The following DMRT1 variants were observed in gnomAD, a reference collection of about 807,000 sequenced individuals.
DMRT1 encodes the protein doublesex- and mab-3-related transcription factor 1.
A neutral mutation model predicts 32.3 loss-of-function variants in DMRT1; 7 were observed. That is an observed-to-expected ratio of 0.22 (90% confidence interval 0.12 to 0.41). DMRT1 has a LOEUF of 0.41. Ranked by LOEUF, DMRT1 falls within the 10% of genes least tolerant of loss-of-function variation. The pLI is 1.00. For missense variants in DMRT1, 625 were observed against 500.5 expected (o/e 1.25, Z -2.37); for synonymous variants, 278 against 206.1 (o/e 1.35, Z -2.99).
At chr9:896,303 T>TTTTTTTTTTTTC (rs1817360222) in intron 3 of DMRT1, among the ~76,000 whole-genome samples, 1 of 147,400 alleles carries the variant, frequency 6.8e-6, no homozygotes, top group Admixed American at 6.8e-5. Context: ...TTTTTTTTTT[T>TTTTTTTTTTTTC]CCTGAGACAG....
At chr9:902,199 C>CAT (rs1817612738) in intron 3 of DMRT1, among the ~76,000 whole-genome samples, 1 of 151,410 alleles carries the variant, frequency 6.6e-6, no homozygotes, top group African/African-American at 2.4e-5. Context: ...CGTGAGCCAC[C>CAT]GCGCCAGCCA....
intron 4 of DMRT1, among the ~76,000 whole-genome samples, chr9:936,365 G>T (rs1483154467): frequency 2.0e-5 from 3 of 152,096 alleles, no homozygotes; most frequent in African/African-American, 7.2e-5. Flanking sequence ...CTAGATGAAA[G>T]AACTATCTCC....
intron 4 of DMRT1, among the ~76,000 whole-genome samples, chr9:945,995 C>G (rs1465540484): frequency 6.6e-6 from 1 of 152,084 alleles, no homozygotes; most frequent in East Asian, 1.9e-4. Flanking sequence ...AATGCTTGGT[C>G]TTAGAGATCT....
At chr9:961,686 C>T (rs1159961217) in intron 4 of DMRT1, among the ~76,000 whole-genome samples, 1 of 152,124 alleles carries the variant, frequency 6.6e-6, no homozygotes, top group African/African-American at 2.4e-5. Context: ...AACATGTATT[C>T]CTGGTTCTCT....
intron 3 of DMRT1, among the ~76,000 whole-genome samples, chr9:895,633 T>C (rs766697412): frequency 6.6e-6 from 1 of 152,176 alleles, no homozygotes; most frequent in Non-Finnish European, 1.5e-5. Flanking sequence ...ACAATTAAGC[T>C]AATTAACAAA....
intron 2 of DMRT1, among the ~76,000 whole-genome samples, chr9:869,229 C>G (rs924472344): frequency 6.6e-6 from 1 of 152,118 alleles, no homozygotes; most frequent in Non-Finnish European, 1.5e-5. Flanking sequence ...CAGCTTTTGC[C>G]TCTTCCTCCC....
At chr9:941,268 C>G (rs1038390640) in intron 4 of DMRT1, among the ~76,000 whole-genome samples, 1 of 151,886 alleles carries the variant, frequency 6.6e-6, no homozygotes, top group Non-Finnish European at 1.5e-5. Flanking sequence ...AAGTGTCCAT[C>G]AACAGAGGGT....
intron 4 of DMRT1, among the ~76,000 whole-genome samples, chr9:950,914 T>G (rs1819407812): frequency 6.6e-6 from 1 of 152,212 alleles, no homozygotes. Flanking sequence ...GTTGTTTTGA[T>G]ATAGAAAATT....
chr9:923,493 T>G (rs1025404665), intron 4 of DMRT1, among the ~76,000 whole-genome samples: 1 of 151,794 alleles, frequency 6.6e-6, no homozygotes, highest in Non-Finnish European at 1.5e-5. Context: ...GATGAAATGG[T>G]GTCTGATGTG....
At chr9:947,437 T>C (rs915650240) in intron 4 of DMRT1, among the ~76,000 whole-genome samples, 1 of 152,230 alleles carries the variant, frequency 6.6e-6, no homozygotes, top group African/African-American at 2.4e-5. Context: ...GCTCGTAATT[T>C]CTTGCTTCAG....
In DMRT1 at chr9:915,714, T is replaced by C. The variant is rs187909513; in HGVS notation, c.823-1049T>C. 2.0e-4 allele frequency among the ~76,000 whole-genome samples: 31 copies of C among 152,068 alleles called. No individual in the cohort carries two copies. The East Asian group carries it at 5.8e-3, about 28-fold the overall frequency. ...ATGGTTTGCATGTTGTTTTACAGTATTTATTTATTTGTTTTTTTTAATATA... is the reference window on the plus strand; with the variant it reads ...ATGGTTTGCATGTTGTTTTACAGTACTTATTTATTTGTTTTTTTTAATATA... On this transcript the variant is annotated intron_variant, in intron 3 of 4. Transcript: ENST00000382276.
At position 883,120 on chromosome 9, in the gene DMRT1, C is replaced by G. The variant is rs139284386; in HGVS notation, c.539-10792C>G. Among the ~76,000 whole-genome samples, 366 of 151,994 alleles carry G rather than the reference C, an allele frequency of 2.4e-3. 3 individuals carry two copies. Among genetic ancestry groups the G allele is most frequent in the African/African-American group, 7.7e-3 (319 of 41,502 alleles). ...CTCTTTCCAGATTCCATACGCATAG[C>G]CTGCCATCTGTCCCACATTGACGCT... On this transcript the variant is annotated intron_variant, in intron 2 of 4. Transcript: ENST00000382276.
chr9:845,004 G>C (rs2132538443), intron 1 of DMRT1, among the ~76,000 whole-genome samples: 1 of 152,172 alleles, frequency 6.6e-6, no homozygotes, highest in East Asian at 1.9e-4. Context: ...TTACAGGCGT[G>C]AGCCACTGCG....
intron 4 of DMRT1, among the ~76,000 whole-genome samples, chr9:942,955 A>C (rs76252142): frequency 0.1 from 15,283 of 152,082 alleles, 839 homozygotes; most frequent in Non-Finnish European, 0.11. Context: ...GGAATTCAAA[A>C]CCAGATCTGA....
rs112934336 is a variant in DMRT1, at chr9:916,515, C to T, written c.823-248C>T. On this transcript the variant is annotated intron_variant, in intron 3 of 4. Transcript: ENST00000382276. ...CCTCCTGAGTAGCTGAGATCTCACT[C>T]GTGCACTATCACACCCAAACAATTT... is the stretch of plus-strand genomic sequence containing the variant. Among the ~76,000 whole-genome samples the T allele has an allele frequency of 5.7e-3, 869 of 152,224 alleles. 7 individuals are homozygous for T. The highest frequency in any genetic ancestry group is 0.02 in the African/African-American group (828 of 41,528).
At chr9:934,023 GAA>G (rs34467202) in intron 4 of DMRT1, among the ~76,000 whole-genome samples, 32 of 140,978 alleles carry the variant, frequency 2.3e-4, no homozygotes, top group Middle Eastern at 3.8e-3. Context: ...GCACACTTAA[GAA>G]AAAAAAAAAA....
rs377569723 is a variant in DMRT1 at position 854,156 on chromosome 9, G to T, written c.538+7013G>T. Among the ~76,000 whole-genome samples the T allele has an allele frequency of 2.7e-5, 4 of 150,406 alleles. No homozygotes were observed. In the East Asian group the frequency reaches 7.9e-4, roughly 30 times the overall value. ...TCAAGAGACAGAGGTTCGTTCTGTT[G>T]CCCAGGTTGGAATGCAGTGGCACAA... On this transcript the variant is annotated intron_variant, in intron 2 of 4. Coordinates refer to ENST00000382276, the MANE Select transcript of DMRT1 (RefSeq NM_021951.3).
chr9:858,870 A>AAAAAAAATATAT (rs1815525305), intron 2 of DMRT1, among the ~76,000 whole-genome samples: 15 of 48,072 alleles, frequency 3.1e-4, no homozygotes, highest in African/African-American at 1.2e-3. Flanking sequence ...AAAAAAAAAA[A>AAAAAAAATATAT]ATATATATAT....
intron 4 of DMRT1, among the ~76,000 whole-genome samples, chr9:957,978 CA>C (rs1819652975): frequency 6.6e-6 from 1 of 152,036 alleles, no homozygotes; most frequent in South Asian, 2.1e-4. Flanking sequence ...CACTGCATTC[CA>C]GCTTGGGGGA....
Sources: gnomAD v4.1 joint callset for allele counts (sites outside exome capture counted in the v4.1 genomes callset) on GRCh38, gnomAD v4.1.1 for gene constraint, MANE v1.5 for transcripts, NCBI Gene and HGNC (gene_info 2026-07-23, HGNC 2026-07-21) for gene names.